TMEM132D: variants seen among roughly 807,000 people sequenced by gnomAD.
The protein encoded by TMEM132D is mature OL transmembrane protein.
TMEM132D carries 21 observed loss-of-function variants against 62.3 expected under a neutral mutation model. That is an observed-to-expected ratio of 0.34 (90% CI 0.24 to 0.49). The LOEUF (loss-of-function observed/expected upper bound fraction) is 0.49, where lower values mean the gene tolerates loss of function less well. Among genes scored for constraint, TMEM132D ranks in the 20% least tolerant of loss-of-function variants. The pLI, the probability that TMEM132D is intolerant of heterozygous loss-of-function variation, is 0.99. For synonymous variants in TMEM132D, 621 were observed against 575.6 expected, an observed-to-expected ratio of 1.08 and a Z score of -1.13; for missense variants, 1,346 against 1,402.8, an observed-to-expected ratio of 0.96 and a Z score of 0.65.
chr12:129,699,448 C>T (rs1468219705), intron 2 of TMEM132D, among the ~76,000 whole-genome samples: 1 of 152,196 alleles, frequency 6.6e-6, no homozygotes. Context: ...CATTTGCAGT[C>T]TCATTTCAGC....
intron 5 of TMEM132D, among the ~76,000 whole-genome samples, chr12:129,133,327 C>A (rs1477221768): frequency 1.3e-5 from 2 of 152,214 alleles, no homozygotes; most frequent in African/African-American, 4.8e-5. Context: ...ACAGCAATTC[C>A]CCATCTTCTG....
Position 129,147,398 on chromosome 12 carries a change from C to T in TMEM132D, c.1443+62122G>A, listed in dbSNP as rs949417482. Among the ~76,000 whole-genome samples the T allele has an allele frequency of 3.3e-5, 5 of 151,202 alleles. No homozygotes were observed. In the East Asian group the frequency reaches 5.8e-4, roughly 18 times the overall value. Reference sequence around the variant, plus strand: ...CATGGCCTTTTGCCCTTAGAGGATACGTGAGCATAAAAATCCTCTTATGTA... The same window carrying T: ...CATGGCCTTTTGCCCTTAGAGGATATGTGAGCATAAAAATCCTCTTATGTA... On this transcript the variant is annotated intron_variant, in intron 5 of 8. Transcript: ENST00000422113.
At chr12:129,483,318 C>T (rs776136545) in intron 3 of TMEM132D, among the ~76,000 whole-genome samples, 21 of 152,158 alleles carry the variant, frequency 1.4e-4, no homozygotes, top group Admixed American at 3.9e-4. Flanking sequence ...AAAGTACAGA[C>T]GCTTGGGCCC....
chr12:129,554,583 C>A (rs562657249), intron 2 of TMEM132D, among the ~76,000 whole-genome samples: 2 of 152,114 alleles, frequency 1.3e-5, no homozygotes, highest in African/African-American at 4.8e-5. Flanking sequence ...TTTAGACAAC[C>A]CTCTCTTCTG....
intron 5 of TMEM132D, among the ~76,000 whole-genome samples, chr12:129,192,515 C>T (rs2135557085): frequency 6.6e-6 from 1 of 152,292 alleles, no homozygotes; most frequent in South Asian, 2.1e-4. Flanking sequence ...GTGGCAAATT[C>T]TTATAAGAGA....
rs145198928 is a variant in TMEM132D at position 129,413,001 on chromosome 12, A to ATCT, written c.1116-75187_1116-75185dup. ...TGGACTCATTTCCATGAGAAAAATAATCTCTTACGATAGACCACAGTAGTC... is the reference window on the plus strand; with the variant it reads ...TGGACTCATTTCCATGAGAAAAATAATCTTCTCTTACGATAGACCACAGTAGTC... On this transcript the variant is annotated intron_variant, in intron 3 of 8. Coordinates refer to ENST00000422113, the MANE Select transcript of TMEM132D (RefSeq NM_133448.3). 7.2e-3 allele frequency among the ~76,000 whole-genome samples: 1,096 copies of ATCT among 152,340 alleles called. 18 individuals carry two copies. The highest frequency in any genetic ancestry group is 0.025 in the African/African-American group (1,037 of 41,580).
chr12:129,527,171 T>A (rs541436948), intron 3 of TMEM132D, among the ~76,000 whole-genome samples: 1 of 151,990 alleles, frequency 6.6e-6, no homozygotes, highest in Non-Finnish European at 1.5e-5. Context: ...TAGCCAGGTG[T>A]GGTGGTGCAC....
chr12:129,461,389 G>A (rs994925776), intron 3 of TMEM132D, among the ~76,000 whole-genome samples: 10 of 152,094 alleles, frequency 6.6e-5, no homozygotes, highest in Admixed American at 1.3e-4. Context: ...GAAACCAGAC[G>A]GAAAGGCTCT....
rs983598200 is a variant in TMEM132D, at chr12:129,614,936, C to A, written c.969-83731G>T. ...AGAATCTTCCATTTCTAACCTCTAA[C>A]TGAATCAATACATCTACCCTGGCCC... On this transcript the variant is annotated intron_variant, in intron 2 of 8. Transcript: ENST00000422113. 3.3e-5 allele frequency among the ~76,000 whole-genome samples: 5 copies of A among 152,290 alleles called. No individual in the cohort carries two copies. The East Asian group carries it at 9.6e-4, about 29-fold the overall frequency.
At chr12:129,683,347 A>C (rs1211013826) in intron 2 of TMEM132D, among the ~76,000 whole-genome samples, 1 of 152,240 alleles carries the variant, frequency 6.6e-6, no homozygotes, top group Admixed American at 6.5e-5. Flanking sequence ...GAAAAATGTA[A>C]GTAATAATAG....
chr12:129,438,968 A>C (rs901092774), intron 3 of TMEM132D, among the ~76,000 whole-genome samples: 1 of 152,234 alleles, frequency 6.6e-6, no homozygotes, highest in Non-Finnish European at 1.5e-5. Context: ...AATTCTCTGC[A>C]GGATCACTTT....
At chr12:129,268,373 A>G (rs1299953083) in intron 4 of TMEM132D, among the ~76,000 whole-genome samples, 1 of 152,252 alleles carries the variant, frequency 6.6e-6, no homozygotes, top group African/African-American at 2.4e-5. Flanking sequence ...AAATGGGCGA[A>G]GGACATGAAC....
chr12:129,260,908 T>G lies in TMEM132D; in HGVS notation c.1300-51245A>C, dbSNP rs557042687. On this transcript the variant is annotated intron_variant, in intron 4 of 8. Transcript: ENST00000422113. ...TATACACCACATTTTCTTTATCCAC[T>G]TGGTTGCTGGGCACTGAGGTTAGTT... Among the ~76,000 whole-genome samples the G allele has an allele frequency of 4.6e-5, 7 of 152,342 alleles. No homozygotes were observed. The South Asian group carries it at 1.5e-3, about 32-fold the overall frequency.
At chr12:129,218,696 A>G (rs1879274104) in intron 4 of TMEM132D, among the ~76,000 whole-genome samples, 1 of 152,230 alleles carries the variant, frequency 6.6e-6, no homozygotes, top group South Asian at 2.1e-4. Context: ...GTTTCATTCT[A>G]AACTGTCATT....
intron 3 of TMEM132D, among the ~76,000 whole-genome samples, chr12:129,358,907 G>A (rs914448425): frequency 2.6e-5 from 4 of 151,594 alleles, no homozygotes; most frequent in Non-Finnish European, 5.9e-5. Context: ...AGAGGGCTTG[G>A]GATTGAGGAA....
chr12:129,406,078 G>A (rs1222609287), intron 3 of TMEM132D, among the ~76,000 whole-genome samples: 2 of 152,086 alleles, frequency 1.3e-5, no homozygotes, highest in African/African-American at 2.4e-5. Flanking sequence ...ATGATGATTC[G>A]ATTAAAATAA....
intron 5 of TMEM132D, among the ~76,000 whole-genome samples, chr12:129,171,669 G>T (rs114850525): frequency 6.6e-6 from 1 of 152,294 alleles, no homozygotes; most frequent in East Asian, 1.9e-4. Context: ...GATTCATCTC[G>T]CACATCTCCA....
intron 2 of TMEM132D, among the ~76,000 whole-genome samples, chr12:129,644,203 A>T (rs770996830): frequency 9.2e-5 from 14 of 151,790 alleles, no homozygotes; most frequent in Non-Finnish European, 1.3e-4. Flanking sequence ...TGCCCCAACC[A>T]CCTTGGGCAT....
At chr12:129,651,246 C>G (rs1879919967) in intron 2 of TMEM132D, among the ~76,000 whole-genome samples, 1 of 152,170 alleles carries the variant, frequency 6.6e-6, no homozygotes, top group Non-Finnish European at 1.5e-5. Flanking sequence ...TCTATTGGTT[C>G]AAAAACATAA....
Sources: allele counts gnomAD v4.1 joint callset (sites outside exome capture counted in the v4.1 genomes callset), GRCh38; gene constraint gnomAD v4.1.1; transcripts MANE v1.5; gene names NCBI Gene and HGNC (gene_info 2026-07-23, HGNC 2026-07-21).